Variants in GFPT1 observed in about 807,000 individuals in gnomAD.
The protein encoded by GFPT1 is glutamine--fructose-6-phosphate transaminase 1, also known as glutamine--fructose-6-phosphate aminotransferase [isomerizing] 1.
A neutral mutation model predicts 92.0 loss-of-function variants in GFPT1; 40 were observed. That is an observed-to-expected ratio of 0.43 (90% CI 0.34 to 0.57). The LOEUF is 0.57. GFPT1 is among the 20% of genes least tolerant of loss of function. GFPT1 has a pLI of 0.02. For synonymous variants in GFPT1, 269 were observed against 280.6 expected, an observed-to-expected ratio of 0.96 and a Z score of 0.41; for missense variants, 448 against 869.1, an observed-to-expected ratio of 0.52 and a Z score of 6.09.
chr2:69,341,808 G>C (rs1670959579), intron 13 of GFPT1, among the ~76,000 whole-genome samples: 1 of 152,192 alleles, frequency 6.6e-6, no homozygotes, highest in South Asian at 2.1e-4. Context: ...TCTAGGGCAA[G>C]TGAACAATGC....
In GFPT1 at chr2:69,338,000, T is replaced by TA. The variant is rs1388265980; in HGVS notation, c.1379dup (p.Leu460PhefsTer24). On this transcript the variant is annotated frameshift_variant, in exon 15 of 20. Transcript: ENST00000357308. LOFTEE classifies it high-confidence loss of function. ...CAACTGTGTTTGTGATCCCCACAGT[T>TA]AAAGCTCCTCTCTCCTTACAGTAAC... 2 of 1,613,994 alleles carry TA rather than the reference T, an allele frequency of 1.2e-6. No individual in the cohort carries two copies. The highest frequency in any genetic ancestry group is 1.1e-5 in the South Asian group (1 of 91,074).
intron 10 of GFPT1, among the ~76,000 whole-genome samples, chr2:69,349,354 T>C (rs1321390535): frequency 6.6e-6 from 1 of 152,238 alleles, no homozygotes; most frequent in East Asian, 1.9e-4. Context: ...AACTGTGTAA[T>C]CTTACACATC....
chr2:69,358,838 T>C (rs1287138736), intron 5 of GFPT1, among the ~76,000 whole-genome samples: 3 of 152,210 alleles, frequency 2.0e-5, no homozygotes, highest in African/African-American at 4.8e-5. Context: ...GAAAGTTCAA[T>C]TGAACAGCCC....
At position 69,356,553 on chromosome 2, in the gene GFPT1, C is replaced by T; in HGVS notation, c.548G>A (p.Gly183Asp). 6.2e-7 allele frequency: 1 copy of T among 1,612,110 alleles called. No individual in the cohort carries two copies. Among genetic ancestry groups the T allele is most frequent in the Non-Finnish European group, 8.5e-7 (1 of 1,178,250 alleles). ...LVERVIQQLE[G>D]AFALVFKSVH... ...ACTTTTAAACACAAGTGCAAAAGCA[C>T]CTTCCTAGGGAGGGAAAAAAATCCA... The change falls in exon 7 of 20, where the codon GGT becomes GAT. Residue 183 changes from glycine to aspartate, a missense_variant. Physicochemically the swap from Gly to Asp is moderately conservative, Grantham distance 94. This residue lies in a region of GFPT1 where 118 missense variants were observed against 192.9 expected (regional missense o/e 0.61). Coordinates refer to ENST00000357308, the MANE Select transcript of GFPT1 (RefSeq NM_001244710.2).
chr2:69,334,577 C>T (rs777734038), intron 15 of GFPT1: 1 of 152,022 alleles, frequency 6.6e-6, no homozygotes, highest in Non-Finnish European at 1.5e-5. Context: ...ACAACATGAA[C>T]AAATCTCAAA....
At chr2:69,354,461 T>A (rs571396108) in intron 8 of GFPT1, 28 bp downstream of exon 8, 1 of 1,369,494 alleles carries the variant, frequency 7.3e-7, no homozygotes, top group Admixed American at 1.7e-5. Flanking sequence ...TCATATCTAC[T>A]GCACTGCATT....
intron 11 of GFPT1, among the ~76,000 whole-genome samples, chr2:69,347,850 T>C (rs1168425685): frequency 1.3e-5 from 2 of 152,142 alleles, no homozygotes; most frequent in South Asian, 2.1e-4. Context: ...ATGTTATATA[T>C]AAGAAAACTA....
chr2:69,339,852 AT>A (rs963883785), intron 13 of GFPT1, among the ~76,000 whole-genome samples: 5 of 152,210 alleles, frequency 3.3e-5, no homozygotes, highest in Non-Finnish European at 5.9e-5. Context: ...AAATGCTCCT[AT>A]TTTTTATTAT....
At chr2:69,328,700 C>CTTTTT (rs780340372) in intron 17 of GFPT1, among the ~76,000 whole-genome samples, 2 of 99,928 alleles carry the variant, frequency 2.0e-5, no homozygotes, top group Non-Finnish European at 1.9e-5. Context: ...TCTGGTTAAC[C>CTTTTT]CTTTTTTTTT....
At chr2:69,334,360 AT>A (rs1303384827) in intron 15 of GFPT1, among the ~76,000 whole-genome samples, 4 of 152,060 alleles carry the variant, frequency 2.6e-5, no homozygotes, top group African/African-American at 4.8e-5. Flanking sequence ...TACTTACTCA[AT>A]TTTTTTAAGA....
intron 12 of GFPT1, among the ~76,000 whole-genome samples, chr2:69,344,186 C>CAAAAAAAAAAAAAAA (rs10602884): frequency 3.3e-4 from 21 of 64,524 alleles, no homozygotes; most frequent in South Asian, 1.3e-3. Context: ...AAAAGCAAAG[C>CAAAAAAAAAAAAAAA]AAAAAAAAAA....
intron 13 of GFPT1, among the ~76,000 whole-genome samples, chr2:69,339,090 A>G (rs188612693): frequency 6.6e-6 from 1 of 152,288 alleles, no homozygotes; most frequent in East Asian, 1.9e-4. Flanking sequence ...GGACACATAC[A>G]TTCTTATAAG....
chr2:69,369,926 G>A, intron 3 of GFPT1, 75 bp downstream of exon 3: 2 of 859,412 alleles, frequency 2.3e-6, no homozygotes, highest in East Asian at 2.4e-5. Flanking sequence ...GGGGGAGGGA[G>A]TAACTTAGAG....
intron 12 of GFPT1, among the ~76,000 whole-genome samples, chr2:69,345,455 T>C (rs1242032175): frequency 1.3e-5 from 2 of 152,168 alleles, no homozygotes; most frequent in African/African-American, 4.8e-5. Flanking sequence ...TTATTCTTCT[T>C]AGAATTCACA....
At chr2:69,344,406 T>A (rs1420216355) in intron 12 of GFPT1, among the ~76,000 whole-genome samples, 1 of 152,074 alleles carries the variant, frequency 6.6e-6, no homozygotes, top group Non-Finnish European at 1.5e-5. Flanking sequence ...AAAAGCCTGA[T>A]CCCTTTTGAG....
chr2:69,350,276 T>A, intron 9 of GFPT1, 93 bp from the exon 10 acceptor site: 1 of 861,678 alleles, frequency 1.2e-6, no homozygotes. Flanking sequence ...CAAGAAAAAA[T>A]CATAGCAACA....
chr2:69,326,073 T>A lies in GFPT1; in HGVS notation c.*116A>T. 1.5e-6 allele frequency: 1 copy of A among 675,464 alleles called. No individual in the cohort carries two copies. The highest frequency in any genetic ancestry group is 2.6e-6 in the Non-Finnish European group (1 of 381,586). 41.8% of individuals were successfully genotyped at this position (675,464 alleles called of 1,614,324 possible). ...GGAATAATTATAACTGATATATAAA[T>A]AAGGATTTACTAAAAAAAGGCTTCA... On this transcript the variant is annotated 3_prime_UTR_variant, in exon 20 of 20. Coordinates refer to ENST00000357308, the MANE Select transcript of GFPT1 (RefSeq NM_001244710.2).
intron 10 of GFPT1, among the ~76,000 whole-genome samples, chr2:69,348,980 C>T (rs1671147988): frequency 6.6e-6 from 1 of 152,128 alleles, no homozygotes; most frequent in Non-Finnish European, 1.5e-5. Context: ...ACAGGCTGAG[C>T]CATTTGCAAA....
At chr2:69,384,615 A>T (rs186206195) in intron 1 of GFPT1, among the ~76,000 whole-genome samples, 201 of 145,278 alleles carry the variant, frequency 1.4e-3, no homozygotes, top group Non-Finnish European at 2.0e-3. Flanking sequence ...GGGAGGTTGA[A>T]CCCCGGAGAC....
Sources: gnomAD v4.1 joint callset for allele counts (sites outside exome capture counted in the v4.1 genomes callset) on GRCh38, gnomAD v4.1.1 for gene constraint, gnomAD v4.1.1 regional missense constraint, MANE v1.5 for transcripts, NCBI Gene and HGNC (gene_info 2026-07-23, HGNC 2026-07-21) for gene names.